Variants in SMG6 observed in about 807,000 individuals in gnomAD.
SMG6 encodes telomerase-binding protein EST1A.
Under a neutral mutation model 142.2 loss-of-function variants are expected in SMG6, and 66 were observed. The observed-to-expected ratio is 0.46, with a 90% CI of 0.38 to 0.57. The LOEUF (loss-of-function observed/expected upper bound fraction) is 0.57, where lower values mean the gene tolerates loss of function less well. SMG6 is among the 20% of genes least tolerant of loss of function. The pLI is 0.00. For missense variants in SMG6, 1,793 were observed against 1,832.0 expected (o/e 0.98, Z 0.39); for synonymous variants, 779 against 702.4 (o/e 1.11, Z -1.72).
chr17:2,095,188 G>A (rs1370131526), intron 13 of SMG6: 1 of 152,266 alleles, frequency 6.6e-6, no homozygotes, highest in Non-Finnish European at 1.5e-5. Flanking sequence ...CTCAGCCCCT[G>A]GGGATGAAAG....
intron 6 of SMG6, among the ~76,000 whole-genome samples, chr17:2,287,558 G>T (rs868664289): frequency 6.6e-6 from 1 of 152,152 alleles, no homozygotes; most frequent in Admixed American, 6.5e-5. Context: ...GTACCCAGAA[G>T]AATTGGAAGC....
At chr17:2,086,594 C>T (rs1269961378) in intron 13 of SMG6, among the ~76,000 whole-genome samples, 1 of 152,208 alleles carries the variant, frequency 6.6e-6, no homozygotes, top group Non-Finnish European at 1.5e-5. Context: ...CACATCAGCA[C>T]ACAAGTCAGT....
chr17:2,101,659 T>G (rs2069010295), intron 13 of SMG6: 1 of 152,326 alleles, frequency 6.6e-6, no homozygotes, highest in South Asian at 2.1e-4. Flanking sequence ...TCACTCACCC[T>G]TCGCAGCCAC....
chr17:2,228,071 T>C (rs1375727695), intron 10 of SMG6, among the ~76,000 whole-genome samples: 4 of 152,240 alleles, frequency 2.6e-5, no homozygotes, highest in African/African-American at 4.8e-5. Context: ...TGTTTTATTT[T>C]GACTTTTTTT....
In SMG6 at chr17:2,172,764, T is replaced by A; in HGVS notation, c.3251A>T (p.Asp1084Val). ...SEVPLYKDPD[D>V]DLTLLILEED... ...TTCCAGGATAAGAAGGGTGAGGTCA[T>A]CATCCGGGTCCTTGTACAGTGGCAC... is the stretch of plus-strand genomic sequence containing the variant. The change falls in exon 13 of 19, where the codon GAT (aspartate) becomes GTT (valine). Residue 1084 changes from aspartate to valine, a missense_variant. Coordinates refer to ENST00000263073, the MANE Select transcript of SMG6 (RefSeq NM_017575.5). The A allele has an allele frequency of 6.2e-7, 1 of 1,614,124 alleles. No individual in the cohort carries two copies. Among genetic ancestry groups the A allele is most frequent in the Non-Finnish European group, 8.5e-7 (1 of 1,180,022 alleles).
At position 2,303,682 on chromosome 17, in the gene SMG6, C is replaced by T; in HGVS notation, c.39G>A (p.Ser13=). The change falls in exon 1 of 19, where the codon TCG becomes TCA. Residue 13 remains serine, a synonymous_variant. Coordinates refer to ENST00000263073, the MANE Select transcript of SMG6 (RefSeq NM_017575.5). ...GAGTAGCCAGGATCCCGCGCAGCTC[C>T]GACGCGGAGATCCGCACACGCTCCA... ...EGLERVRISA[S]ELRGILATLA... 2 of 1,496,246 alleles carry T rather than the reference C, an allele frequency of 1.3e-6. No individual in the cohort carries two copies. Among genetic ancestry groups the T allele is most frequent in the Non-Finnish European group, 1.8e-6 (2 of 1,129,294 alleles). The allele number at this position is 1,496,246 out of a possible 1,614,324, so 92.7% of individuals were successfully genotyped here.
intron 15 of SMG6, among the ~76,000 whole-genome samples, chr17:2,069,321 C>T (rs1437230980): frequency 6.6e-6 from 1 of 151,754 alleles, no homozygotes; most frequent in African/African-American, 2.4e-5. Context: ...TCAATCTAGA[C>T]ATGAAAATGC....
chr17:2,299,760 C>A lies in SMG6; in HGVS notation c.993G>T (p.Trp331Cys). 1 of 1,614,196 alleles carries A rather than the reference C, an allele frequency of 6.2e-7. No homozygotes were observed. Among genetic ancestry groups the A allele is most frequent in the Non-Finnish European group, 8.5e-7 (1 of 1,180,034 alleles). Residue 331 changes from tryptophan (W) to cysteine (C), a missense_variant, in exon 2 of 19, where the codon TGG becomes TGT. By Grantham distance (215) the Trp-to-Cys change is radical (BLOSUM62 -2). This residue lies in a region of SMG6 where 1,597 missense variants were observed against 1,584.6 expected (regional missense o/e 1.01). Transcript: ENST00000263073. The surrounding 1 kb of genome is among the most constrained non-coding windows in gnomAD (Gnocchi z 4.3). ...TCTGCTCACCCTCCCCACGGCCAGA[C>A]CAGTTTCTTTCTAAATGTCTCTTCC... ...SERKRHLERN[W>C]SGRGEGEQKN...
chr17:2,102,528 ATTTTTTTTTTT>A (rs374584197), intron 13 of SMG6, among the ~76,000 whole-genome samples: 4 of 81,608 alleles, frequency 4.9e-5, no homozygotes, highest in African/African-American at 1.5e-4. Flanking sequence ...TGCTAATTTC[ATTTTTTTTTTT>A]TTTTTTTTTT....
rs553044403 is a variant in SMG6 at position 2,138,207 on chromosome 17, T to C, written c.3357+34451A>G. On this transcript the variant is annotated intron_variant, in intron 13 of 18. Coordinates refer to ENST00000263073, the MANE Select transcript of SMG6 (RefSeq NM_017575.5). ...GAAGAAAAAAAATATACGGTAAAGGTAGGCAGTGGCTGGGATTAGTGAAAA... is the reference window on the plus strand; with the variant it reads ...GAAGAAAAAAAATATACGGTAAAGGCAGGCAGTGGCTGGGATTAGTGAAAA... Among the ~76,000 whole-genome samples, 6 of 151,802 alleles carry C rather than the reference T, an allele frequency of 4.0e-5. No individual in the cohort carries two copies. The South Asian group carries it at 8.3e-4, about 21-fold the overall frequency.
intron 10 of SMG6, among the ~76,000 whole-genome samples, chr17:2,227,867 A>G (rs2073362662): frequency 6.6e-6 from 1 of 152,250 alleles, no homozygotes; most frequent in Non-Finnish European, 1.5e-5. Flanking sequence ...AATGCCCATC[A>G]ATGGAAAAAT....
chr17:2,172,084 T>C (rs1343040673), intron 13 of SMG6, among the ~76,000 whole-genome samples: 1 of 152,186 alleles, frequency 6.6e-6, no homozygotes, highest in Non-Finnish European at 1.5e-5. Context: ...TCGGCTTTGT[T>C]TTCTATAAAC....
At position 2,262,847 on chromosome 17, in the gene SMG6, G is replaced by A. The variant is rs941554726; in HGVS notation, c.2662-18128C>T. Among the ~76,000 whole-genome samples the A allele has an allele frequency of 2.6e-5, 4 of 152,128 alleles. No homozygotes were observed. In the South Asian group the frequency reaches 8.3e-4, roughly 32 times the overall value. On this transcript the variant is annotated intron_variant, in intron 8 of 18. Coordinates refer to ENST00000263073, the MANE Select transcript of SMG6 (RefSeq NM_017575.5). ...ATAAAGGTGCTCCATGAATATTTAT[G>A]GAAATGACCTGAATTGGGACAGGGA... is the stretch of plus-strand genomic sequence containing the variant.
chr17:2,199,900 C>T (rs1199933041), intron 10 of SMG6: 1 of 151,638 alleles, frequency 6.6e-6, no homozygotes, highest in Non-Finnish European at 1.5e-5. Flanking sequence ...GAGCACGATT[C>T]TGTCTCAAAA....
chr17:2,291,194 G>C (rs1307400845), intron 6 of SMG6, among the ~76,000 whole-genome samples: 1 of 152,110 alleles, frequency 6.6e-6, no homozygotes, highest in Non-Finnish European at 1.5e-5. Flanking sequence ...AGCCGGGCGT[G>C]GTGGCGGGCG....
At chr17:2,219,370 G>C (rs183804737) in intron 10 of SMG6, among the ~76,000 whole-genome samples, 153 of 152,314 alleles carry the variant, frequency 1.0e-3, no homozygotes, top group African/African-American at 3.5e-3. Flanking sequence ...GGGCGGCAGA[G>C]CGAGACTCTG....
At chr17:2,277,153 A>AT (rs1567740157) in intron 8 of SMG6, among the ~76,000 whole-genome samples, 2 of 83,446 alleles carry the variant, frequency 2.4e-5, no homozygotes, top group African/African-American at 5.4e-5. Context: ...TTATTTATTT[A>AT]TTTATTTATT....
chr17:2,202,513 C>G (rs115399270), intron 10 of SMG6, among the ~76,000 whole-genome samples: 2,275 of 152,168 alleles, frequency 0.015, 61 homozygotes, highest in African/African-American at 0.051. Context: ...GAACATATCA[C>G]TGCTTTCCAG....
intron 10 of SMG6, among the ~76,000 whole-genome samples, chr17:2,212,417 G>A (rs1021396213): frequency 6.6e-6 from 1 of 152,182 alleles, no homozygotes; most frequent in Non-Finnish European, 1.5e-5. Context: ...GTTGCTGTTC[G>A]TGGTTTTATA....
Sources: gnomAD v4.1 joint callset for allele counts (sites outside exome capture counted in the v4.1 genomes callset) on GRCh38, gnomAD v4.1.1 for gene constraint, gnomAD v4.1.1 regional missense constraint, Gnocchi (gnomAD v3.1) non-coding constraint, MANE v1.5 for transcripts, NCBI Gene and HGNC (gene_info 2026-07-23, HGNC 2026-07-21) for gene names.